Variants in EFCAB8 observed in about 807,000 individuals in gnomAD.
The protein encoded by EFCAB8 is EF-hand calcium-binding domain-containing protein 8.
EFCAB8 carries 100 observed loss-of-function variants against 116.3 expected under a neutral mutation model. The observed-to-expected ratio is 0.86, with a 90% CI of 0.73 to 1.02. EFCAB8 has a LOEUF of 1.02. Among genes scored for constraint, EFCAB8 ranks in the 50% least tolerant of loss-of-function variants. EFCAB8 has a pLI of 0.00. For missense variants in EFCAB8, 1,320 were observed against 1,416.9 expected, an observed-to-expected ratio of 0.93 and a Z score of 1.10; for synonymous variants, 558 against 567.9, an observed-to-expected ratio of 0.98 and a Z score of 0.25.
chr20:32,911,346 T>C, intron 15 of EFCAB8, 134 bp from the exon 16 acceptor site: 1 of 710,696 alleles, frequency 1.4e-6, no homozygotes, highest in Non-Finnish European at 2.2e-6. Context: ...AAAAGTGGCT[T>C]ATGCTGTAGC....
chr20:32,917,132 A>C, intron 17 of EFCAB8, 169 bp from the exon 18 acceptor site: 1 of 601,616 alleles, frequency 1.7e-6, no homozygotes. Context: ...GCATGTAGTA[A>C]GCGCTTAGTA....
chr20:32,951,205 A>T (rs997551082), intron 23 of EFCAB8, among the ~76,000 whole-genome samples: 2 of 152,242 alleles, frequency 1.3e-5, no homozygotes, highest in Non-Finnish European at 2.9e-5. Flanking sequence ...ATGAAAGCAT[A>T]TGCCCGGGTA....
intron 20 of EFCAB8, among the ~76,000 whole-genome samples, chr20:32,927,714 T>C (rs1987728938): frequency 6.6e-6 from 1 of 152,202 alleles, no homozygotes; most frequent in Non-Finnish European, 1.5e-5. Flanking sequence ...TTAATTTCCT[T>C]TCATATGTCT....
chr20:32,961,141 G>A lies in EFCAB8; in HGVS notation c.3399G>A (p.Ser1133=), dbSNP rs115848167. 2,423 of 1,552,080 alleles carry A rather than the reference G, an allele frequency of 1.6e-3. 27 individuals are homozygous for A. The African/African-American group carries it at 0.028, about 18-fold the overall frequency. The change falls in exon 27 of 27, where the codon TCG becomes TCA. Residue 1133 remains serine (S), a synonymous_variant. Transcript: ENST00000400522. ...VPYGWMKHQI[S]PQVYQSLHFS... ...CCCCACTCTGTTCCCTGCAGATCTCGCCTCAGGTCTACCAAAGCCTGCACT... is the reference window on the plus strand; with the variant it reads ...CCCCACTCTGTTCCCTGCAGATCTCACCTCAGGTCTACCAAAGCCTGCACT...
At chr20:32,957,492 T>G (rs551853361) in intron 23 of EFCAB8, among the ~76,000 whole-genome samples, 5 of 152,290 alleles carry the variant, frequency 3.3e-5, no homozygotes, top group Admixed American at 1.3e-4. Context: ...AGGACTCAGT[T>G]TGCCTCTGTG....
At chr20:32,912,730 T>A in intron 16 of EFCAB8, 64 bp from the exon 17 acceptor site, 2 of 714,822 alleles carry the variant, frequency 2.8e-6, no homozygotes, top group South Asian at 3.0e-5. Context: ...TAGGAAGACA[T>A]TTAGGGCCCA....
Position 32,909,831 on chromosome 20 carries a change from TA to T in EFCAB8, c.1461del (p.Tyr489ThrfsTer2). The T allele has an allele frequency of 8.0e-7, 1 of 1,249,550 alleles. No homozygotes were observed. Among genetic ancestry groups the T allele is most frequent in the Non-Finnish European group, 1.0e-6 (1 of 987,952 alleles). 77.4% of individuals were successfully genotyped at this position (1,249,550 alleles called of 1,614,324 possible). A position where few individuals can be genotyped will look rare whatever the true frequency, so the allele number is the denominator to read the frequency against. ...LICSTYSIGI[L>X]KGYLEAQGLI... Reference sequence around the variant, plus strand: ...TTTCCTCACCTACAGATCGGGATCCTAAAAGGGTACTTAGAGGCCCAGGGGC... The same window carrying T: ...TTTCCTCACCTACAGATCGGGATCCTAAAGGGTACTTAGAGGCCCAGGGGC... On this transcript the variant is annotated frameshift_variant, in exon 15 of 27. Coordinates refer to ENST00000400522, the MANE Select transcript of EFCAB8 (RefSeq NM_001143967.2). LOFTEE classifies it high-confidence loss of function.
intron 11 of EFCAB8, among the ~76,000 whole-genome samples, chr20:32,899,400 G>A (rs1392147409): frequency 1.5e-4 from 17 of 112,868 alleles, no homozygotes; most frequent in Non-Finnish European, 2.0e-4. Context: ...GTGAGACTCC[G>A]TCTCAAAAAA....
intron 4 of EFCAB8, among the ~76,000 whole-genome samples, chr20:32,877,207 C>CTTTTTTTTTTTTTTTTTTT (rs757130907): frequency 2.6e-5 from 3 of 115,054 alleles, no homozygotes; most frequent in Non-Finnish European, 5.4e-5. Context: ...TTATTTCTTT[C>CTTTTTTTTTTTTTTTTTTT]TTTTTTTTTT....
At chr20:32,948,577 AAAGAAAAG>A (rs1159188941) in intron 23 of EFCAB8, among the ~76,000 whole-genome samples, 35 of 145,374 alleles carry the variant, frequency 2.4e-4, no homozygotes, top group Non-Finnish European at 4.0e-4. Context: ...AGAAAGAAAG[AAAGAAAAG>A]AAAGGAAAAG....
At position 32,866,256 on chromosome 20, in the gene EFCAB8, G is replaced by A. The variant is rs6058919; in HGVS notation, c.43-1326G>A. On this transcript the variant is annotated intron_variant, in intron 2 of 26. Transcript: ENST00000400522. ...ATTTGCTCTTTAGTTGGGGCTAAGTGGGGGAGAGTGAGCAATTTAATCCCT... is the reference window on the plus strand; with the variant it reads ...ATTTGCTCTTTAGTTGGGGCTAAGTAGGGGAGAGTGAGCAATTTAATCCCT... Among the ~76,000 whole-genome samples the A allele has an allele frequency of 2.3e-3, 345 of 152,310 alleles. 1 individual carries two copies. The highest frequency in any genetic ancestry group is 7.9e-3 in the African/African-American group (328 of 41,572).
At chr20:32,931,489 T>C in intron 22 of EFCAB8, 153 bp downstream of exon 22, 1 of 663,094 alleles carries the variant, frequency 1.5e-6, no homozygotes, top group African/African-American at 2.0e-5. Context: ...CCAGTCGTGG[T>C]GGCCCACGCC....
In EFCAB8 at chr20:32,893,254, G is replaced by A. The variant is rs1369639031; in HGVS notation, c.839G>A (p.Ser280Asn). 2.6e-5 allele frequency: 41 copies of A among 1,551,886 alleles called. 1 individual carries two copies. Among genetic ancestry groups the A allele is most frequent in the Non-Finnish European group, 3.0e-5 (34 of 1,147,048 alleles). The change falls in exon 9 of 27, where the codon AGT (serine) becomes AAT (asparagine). Residue 280 changes from serine to asparagine, a missense_variant. By Grantham distance (46) the Ser-to-Asn change is conservative (BLOSUM62 1). Transcript: ENST00000400522. ...VIVFTSENMT[S>N]GLFNPRILPR... Reference sequence around the variant, plus strand: ...GTCTTCACCTCCGAAAACATGACCAGTGGGCTGTTCAACCCCCGTATCCTC... The same window carrying A: ...GTCTTCACCTCCGAAAACATGACCAATGGGCTGTTCAACCCCCGTATCCTC...
chr20:32,925,784 T>G (rs1177117474), intron 20 of EFCAB8, among the ~76,000 whole-genome samples: 1 of 152,250 alleles, frequency 6.6e-6, no homozygotes, highest in Non-Finnish European at 1.5e-5. Flanking sequence ...TGGCTCCTTC[T>G]GAAGGGACCC....
At chr20:32,863,185 G>A (rs907167993) in intron 1 of EFCAB8, among the ~76,000 whole-genome samples, 1 of 152,072 alleles carries the variant, frequency 6.6e-6, no homozygotes, top group Admixed American at 6.6e-5. Flanking sequence ...TGCCTGGTGG[G>A]ACTTGCTGAC....
At chr20:32,959,440 A>G (rs1243073210) in intron 24 of EFCAB8, among the ~76,000 whole-genome samples, 1 of 152,192 alleles carries the variant, frequency 6.6e-6, no homozygotes, top group Non-Finnish European at 1.5e-5. Flanking sequence ...AGGGACATCA[A>G]ACAAGGCAAA....
Position 32,924,700 on chromosome 20 carries a change from G to C in EFCAB8, c.2412+4485G>C, listed in dbSNP as rs1198939447. On this transcript the variant is annotated intron_variant, in intron 20 of 26. Transcript: ENST00000400522. ...ATTCCTTGGGCTTTTTACGTGGCCT[G>C]GTGATCTGTGTGTAATAAGGATTTG... Among the ~76,000 whole-genome samples, 15 of 152,230 alleles carry C rather than the reference G, an allele frequency of 9.9e-5. No individual in the cohort carries two copies. The East Asian group carries it at 2.9e-3, about 29-fold the overall frequency.
intron 17 of EFCAB8, among the ~76,000 whole-genome samples, chr20:32,916,639 C>T (rs749392154): frequency 1.3e-4 from 20 of 152,122 alleles, no homozygotes; most frequent in Non-Finnish European, 2.4e-4. Flanking sequence ...AAGGCCACAC[C>T]TTCAGATACT....
At chr20:32,953,185 T>C (rs1988850965) in intron 23 of EFCAB8, among the ~76,000 whole-genome samples, 1 of 152,192 alleles carries the variant, frequency 6.6e-6, no homozygotes, top group South Asian at 2.1e-4. Context: ...AATATTTCAT[T>C]GTATATATAT....
Sources: gnomAD v4.1 joint callset for allele counts (sites outside exome capture counted in the v4.1 genomes callset) on GRCh38, gnomAD v4.1.1 for gene constraint, MANE v1.5 for transcripts, NCBI Gene and HGNC (gene_info 2026-07-23, HGNC 2026-07-21) for gene names.